Variants in DIP2A observed in about 807,000 individuals in gnomAD.
DIP2A encodes the protein DIP2 acetate--CoA ligase A.
Under a neutral mutation model 177.4 loss-of-function variants are expected in DIP2A, and 85 were observed. The observed-to-expected ratio is 0.48, with a 90% CI of 0.40 to 0.57. The LOEUF (loss-of-function observed/expected upper bound fraction) is 0.57, where lower values mean the gene tolerates loss of function less well. Among genes scored for constraint, DIP2A ranks in the 20% least tolerant of loss-of-function variants. The probability of loss-of-function intolerance (pLI) is 0.00; values close to 1 mark genes in which losing one functional copy is unlikely to be tolerated. For synonymous variants in DIP2A, 886 were observed against 881.8 expected, an observed-to-expected ratio of 1.00 and a Z score of -0.08; for missense variants, 1,791 against 2,100.2, an observed-to-expected ratio of 0.85 and a Z score of 2.88.
intron 1 of DIP2A, among the ~76,000 whole-genome samples, chr21:46,468,468 A>T (rs976613267): frequency 2.0e-5 from 3 of 151,796 alleles, no homozygotes; most frequent in Admixed American, 1.3e-4. Context: ...ACACAAGCCC[A>T]CTTGTGTCAG....
chr21:46,521,582 T>C (rs917693323), intron 8 of DIP2A, among the ~76,000 whole-genome samples: 1 of 152,228 alleles, frequency 6.6e-6, no homozygotes, highest in African/African-American at 2.4e-5. Context: ...CAAACCCAAT[T>C]CTTAATAAAA....
chr21:46,504,215 C>T (rs1240030540), intron 5 of DIP2A, 146 bp from the exon 6 acceptor site: 1 of 1,153,096 alleles, frequency 8.7e-7, no homozygotes, highest in East Asian at 2.6e-5. Flanking sequence ...CTTTGGTCAG[C>T]CAAGAAAACA....
chr21:46,529,364 C>A (rs532298482), intron 9 of DIP2A, among the ~76,000 whole-genome samples, 181 bp downstream of exon 9: 1 of 152,238 alleles, frequency 6.6e-6, no homozygotes, highest in South Asian at 2.1e-4. Flanking sequence ...CTTTGGGAGG[C>A]TGTGGTGAGC....
At chr21:46,536,329 A>C (rs753225076) in intron 13 of DIP2A, among the ~76,000 whole-genome samples, 28 of 152,222 alleles carry the variant, frequency 1.8e-4, no homozygotes, top group Non-Finnish European at 3.8e-4. Context: ...GGCTCTGAGC[A>C]GAGAGCTGTG....
chr21:46,574,207 T>A (rs182762948), downstream of DIP2A, among the ~76,000 whole-genome samples: 120 of 152,064 alleles, frequency 7.9e-4, no homozygotes, highest in African/African-American at 2.7e-3. Flanking sequence ...ACTGAGAAAA[T>A]ACAGAAATTA....
chr21:46,477,571 T>TGTGTGTGTGTGTGTGTG (rs762054063), intron 1 of DIP2A, among the ~76,000 whole-genome samples: 3,503 of 66,038 alleles, frequency 0.053, 128 homozygotes, highest in Middle Eastern at 0.062. Context: ...GTGTGTGTAT[T>TGTGTGTGTGTGTGTGTG]TCTTTTTTTT....
chr21:46,575,261 T>G, the DIP2A span, among the ~76,000 whole-genome samples: 1 of 151,984 alleles, frequency 6.6e-6, no homozygotes, highest in Non-Finnish European at 1.5e-5. Flanking sequence ...CAACTAGGAA[T>G]AAAAGGAAAC....
rs1464941027 is a variant in DIP2A at position 46,467,078 on chromosome 21, C to T, written c.91+7856C>T. On this transcript the variant is annotated intron_variant, in intron 1 of 37. Coordinates refer to ENST00000417564, the MANE Select transcript of DIP2A (RefSeq NM_015151.4). Reference sequence around the variant, plus strand: ...TTGGGAAGTCGAGGCGGGCGGATCACGAGGTCAGGAGGTCGAGACCATCCT... The same window carrying T: ...TTGGGAAGTCGAGGCGGGCGGATCATGAGGTCAGGAGGTCGAGACCATCCT... Among the ~76,000 whole-genome samples, 5 of 151,916 alleles carry T rather than the reference C, an allele frequency of 3.3e-5. No homozygotes were observed. The South Asian group carries it at 1.0e-3, about 32-fold the overall frequency.
chr21:46,516,687 G>A (rs1205974330), intron 8 of DIP2A, among the ~76,000 whole-genome samples: 1 of 151,386 alleles, frequency 6.6e-6, no homozygotes, highest in Non-Finnish European at 1.5e-5. Context: ...TAGAGACAGG[G>A]TTTCACTGTG....
At chr21:46,538,626 G>T (rs372415615) in intron 16 of DIP2A, 24 bp downstream of exon 16, 18 of 1,544,656 alleles carry the variant, frequency 1.2e-5, no homozygotes, top group Admixed American at 7.8e-5. Flanking sequence ...TGTGCCCGGC[G>T]CATACCCCAC....
At chr21:46,571,513 G>C (rs1324556489), downstream of DIP2A, among the ~76,000 whole-genome samples, 1 of 152,120 alleles carries the variant, frequency 6.6e-6, no homozygotes, top group Non-Finnish European at 1.5e-5. Flanking sequence ...TCACGATATT[G>C]GTTCTTCCTA....
At chr21:46,487,891 G>A (rs1038810869) in intron 2 of DIP2A, among the ~76,000 whole-genome samples, 7 of 152,220 alleles carry the variant, frequency 4.6e-5, no homozygotes, top group African/African-American at 1.7e-4. Flanking sequence ...TCTCAAGTTA[G>A]TGTGTGAACA....
At chr21:46,516,903 A>G (rs1250708253) in intron 8 of DIP2A, among the ~76,000 whole-genome samples, 2 of 152,120 alleles carry the variant, frequency 1.3e-5, no homozygotes, top group East Asian at 1.9e-4. Flanking sequence ...AATACTCTGG[A>G]AAAATTTCTC....
chr21:46,545,669 G>A (rs1265082668), intron 19 of DIP2A, among the ~76,000 whole-genome samples: 6 of 152,238 alleles, frequency 3.9e-5, no homozygotes, highest in Non-Finnish European at 7.3e-5. Flanking sequence ...CAGAGCAGAG[G>A]TAAAAGGGAT....
rs755026336 is a variant in DIP2A, at chr21:46,547,078, T to C, written c.2522+36T>C. The stretch of plus-strand genomic sequence containing the variant: ...GCGGACCCCCACGCCGGGAGTAGAT[T>C]CCTTCATTTGCAGCTCGGGAAGTCT... On this transcript the variant is annotated intron_variant, in intron 21 of 37. Coordinates refer to ENST00000417564, the MANE Select transcript of DIP2A (RefSeq NM_015151.4). 1.1e-5 allele frequency: 18 copies of C among 1,600,408 alleles called. No individual in the cohort carries two copies. In the East Asian group the frequency reaches 1.6e-4, roughly 14 times the overall value.
chr21:46,511,757 G>C lies in DIP2A; in HGVS notation c.1102+143G>C, dbSNP rs1024318131. On this transcript the variant is annotated intron_variant, in intron 8 of 37. Coordinates refer to ENST00000417564, the MANE Select transcript of DIP2A (RefSeq NM_015151.4). ...TAAATAGAACATTGACCTATACCAG[G>C]TACCCATCCCACCGGAGGGGACCAC... 1.1e-5 allele frequency: 10 copies of C among 885,478 alleles called. No homozygotes were observed. The Admixed American group carries it at 3.6e-4, about 32-fold the overall frequency. The allele number at this position is 885,478 out of a possible 1,614,324, so 54.9% of individuals were successfully genotyped here.
chr21:46,491,806 A>G (rs764641412), intron 3 of DIP2A, among the ~76,000 whole-genome samples: 5 of 152,190 alleles, frequency 3.3e-5, no homozygotes, highest in Non-Finnish European at 7.3e-5. Context: ...CTGCTCATGG[A>G]AGTGATGTTA....
At chr21:46,527,377 G>C (rs561078077) in intron 8 of DIP2A, among the ~76,000 whole-genome samples, 20 of 133,964 alleles carry the variant, frequency 1.5e-4, no homozygotes, top group Admixed American at 1.5e-3. Flanking sequence ...CCAGGCTAGA[G>C]GACAGTGGCA....
intron 37 of DIP2A, 45 bp downstream of exon 37, chr21:46,566,728 C>T: frequency 9.3e-6 from 15 of 1,611,436 alleles, no homozygotes; most frequent in Non-Finnish European, 1.3e-5. Flanking sequence ...CCCTCCAGCC[C>T]TTCCTCTGGG....
Sources: allele counts gnomAD v4.1 joint callset (sites outside exome capture counted in the v4.1 genomes callset), GRCh38; gene constraint gnomAD v4.1.1; transcripts MANE v1.5; gene names NCBI Gene and HGNC (gene_info 2026-07-23, HGNC 2026-07-21).